Variants in OSBPL1A observed in about 807,000 individuals in gnomAD.
The protein encoded by OSBPL1A is oxysterol binding protein like 1A.
A neutral mutation model predicts 137.1 loss-of-function variants in OSBPL1A; 80 were observed. The ratio of observed to expected loss-of-function variants is 0.58; its 90% CI spans 0.49 to 0.70. The LOEUF (loss-of-function observed/expected upper bound fraction) is 0.70. Ranked by LOEUF, OSBPL1A falls within the 30% of genes least tolerant of loss-of-function variation. OSBPL1A has a pLI of 0.00. For missense variants in OSBPL1A, 970 were observed against 1,129.4 expected (o/e 0.86, Z 2.02); for synonymous variants, 365 against 389.7 (o/e 0.94, Z 0.75).
intron 15 of OSBPL1A, among the ~76,000 whole-genome samples, chr18:24,246,854 TAAGAGATAGC>T (rs1366675993): frequency 7.1e-6 from 1 of 141,622 alleles, no homozygotes; most frequent in African/African-American, 2.7e-5. Flanking sequence ...AAGAGATGGG[TAAGAGATAGC>T]AAGAGAAATG....
chr18:24,330,352 C>T (rs1489177390), intron 7 of OSBPL1A, among the ~76,000 whole-genome samples: 1 of 152,090 alleles, frequency 6.6e-6, no homozygotes, highest in African/African-American at 2.4e-5. Flanking sequence ...CTTTCCCAAA[C>T]TCCTGCTTAT....
intron 27 of OSBPL1A, among the ~76,000 whole-genome samples, chr18:24,164,612 T>G (rs960897780): frequency 4.6e-5 from 7 of 151,914 alleles, no homozygotes; most frequent in Non-Finnish European, 1.0e-4. Flanking sequence ...GTATTTTTAG[T>G]AGAGACGGGG....
At chr18:24,250,174 G>GTTTTTTTTTTT (rs1233264916) in intron 15 of OSBPL1A, among the ~76,000 whole-genome samples, 4 of 75,348 alleles carry the variant, frequency 5.3e-5, no homozygotes, top group South Asian at 4.9e-4. Flanking sequence ...TTGTTTGTTT[G>GTTTTTTTTTTT]TTTGTTTGTT....
chr18:24,341,445 G>T, intron 5 of OSBPL1A, 102 bp downstream of exon 5: 1 of 736,702 alleles, frequency 1.4e-6, no homozygotes, highest in Non-Finnish European at 2.3e-6. Context: ...AGCATCAGCT[G>T]GTTATCCTCT....
chr18:24,364,399 C>G (rs541314379), intron 4 of OSBPL1A, among the ~76,000 whole-genome samples: 1 of 152,250 alleles, frequency 6.6e-6, no homozygotes, highest in African/African-American at 2.4e-5. Context: ...AGTAATGGAG[C>G]CCACTGCTGC....
chr18:24,221,301 C>T (rs189220631), intron 17 of OSBPL1A, among the ~76,000 whole-genome samples: 4 of 152,256 alleles, frequency 2.6e-5, no homozygotes, highest in Admixed American at 2.6e-4. Flanking sequence ...TTATGTTACA[C>T]TCCTCTTTCC....
intron 14 of OSBPL1A, among the ~76,000 whole-genome samples, chr18:24,286,745 C>T (rs2090072100): frequency 6.6e-6 from 1 of 152,024 alleles, no homozygotes; most frequent in Admixed American, 6.6e-5. Context: ...ATATACTAGT[C>T]CTGAGGGAAG....
At chr18:24,342,523 A>C (rs766584276) in intron 4 of OSBPL1A, among the ~76,000 whole-genome samples, 26 of 152,180 alleles carry the variant, frequency 1.7e-4, no homozygotes, top group Non-Finnish European at 3.5e-4. Context: ...GTGCCTGTAA[A>C]ATATGAAGTG....
At chr18:24,254,028 A>T (rs2146032014) in intron 15 of OSBPL1A, among the ~76,000 whole-genome samples, 1 of 152,356 alleles carries the variant, frequency 6.6e-6, no homozygotes, top group Non-Finnish European at 1.5e-5. Context: ...TCCTTCCCAA[A>T]GTTAGTCTGA....
chr18:24,322,756 A>AAG (rs1200528059), intron 7 of OSBPL1A, among the ~76,000 whole-genome samples: 3 of 152,156 alleles, frequency 2.0e-5, no homozygotes, highest in African/African-American at 7.2e-5. Context: ...GAAATTCCAG[A>AAG]AGAGAGACCT....
chr18:24,366,757 C>A, intron 4 of OSBPL1A, 135 bp downstream of exon 4: 1 of 732,586 alleles, frequency 1.4e-6, no homozygotes, highest in South Asian at 2.5e-5. Context: ...GGCCTTTTGA[C>A]CCAAAGTGCT....
intron 19 of OSBPL1A, 134 bp downstream of exon 19, chr18:24,181,011 T>G: frequency 9.4e-7 from 1 of 1,064,664 alleles, no homozygotes; most frequent in Non-Finnish European, 1.3e-6. Flanking sequence ...AGTCCAGACA[T>G]GCGGACTGAG....
intron 17 of OSBPL1A, among the ~76,000 whole-genome samples, chr18:24,210,660 A>G (rs896759689): frequency 6.6e-6 from 1 of 151,388 alleles, no homozygotes; most frequent in African/African-American, 2.4e-5. Flanking sequence ...TCAGCCTCCC[A>G]AGTAGCTGGG....
chr18:24,378,884 G>A (rs1203211351), intron 1 of OSBPL1A, among the ~76,000 whole-genome samples: 1 of 152,126 alleles, frequency 6.6e-6, no homozygotes, highest in Non-Finnish European at 1.5e-5. Flanking sequence ...TTACAATGAA[G>A]TTAGCAGTCA....
At chr18:24,395,939 A>G (rs1907710263) in intron 1 of OSBPL1A, among the ~76,000 whole-genome samples, 1 of 149,548 alleles carries the variant, frequency 6.7e-6, no homozygotes, top group Non-Finnish European at 1.5e-5. Flanking sequence ...CTTTTATAGA[A>G]ATAATATCTG....
chr18:24,257,489 T>C (rs941206007), intron 15 of OSBPL1A, among the ~76,000 whole-genome samples: 1 of 152,180 alleles, frequency 6.6e-6, no homozygotes, highest in Non-Finnish European at 1.5e-5. Flanking sequence ...CAAGATGGAT[T>C]AAGGACTTAA....
At chr18:24,168,588 T>C (rs950183044) in intron 24 of OSBPL1A, among the ~76,000 whole-genome samples, 1 of 152,182 alleles carries the variant, frequency 6.6e-6, no homozygotes, top group Non-Finnish European at 1.5e-5. Flanking sequence ...GAATGAAGGC[T>C]TTGGAAGGGT....
At chr18:24,337,375 T>TTAACATAACATAACA (rs71375133) in intron 5 of OSBPL1A, among the ~76,000 whole-genome samples, 13,753 of 141,320 alleles carry the variant, frequency 0.097, 940 homozygotes, top group African/African-American at 0.17. Context: ...AAACATAACA[T>TTAACATAACATAACA]TAACATAACA....
chr18:24,183,599 AT>A (rs57480189), intron 18 of OSBPL1A, among the ~76,000 whole-genome samples: 3 of 148,946 alleles, frequency 2.0e-5, no homozygotes, highest in Non-Finnish European at 1.5e-5. Context: ...TGCCTGGCTA[AT>A]TTTTTTTTTA....
Sources: allele counts gnomAD v4.1 joint callset (sites outside exome capture counted in the v4.1 genomes callset), GRCh38; gene constraint gnomAD v4.1.1; transcripts MANE v1.5; gene names NCBI Gene and HGNC (gene_info 2026-07-23, HGNC 2026-07-21).